The following TRAPPC9 variants were observed in gnomAD, a reference collection of about 807,000 sequenced individuals.
The protein encoded by TRAPPC9 is trafficking protein particle complex subunit 9.
A neutral mutation model predicts 124.0 loss-of-function variants in TRAPPC9; 83 were observed. The observed-to-expected ratio is 0.67, with a 90% confidence interval of 0.56 to 0.80. The LOEUF (loss-of-function observed/expected upper bound fraction) is 0.80, where lower values mean the gene tolerates loss of function less well. Ranked by LOEUF, TRAPPC9 falls within the 30% of genes least tolerant of loss-of-function variation. TRAPPC9 has a pLI of 0.00. For missense variants in TRAPPC9, 1,302 were observed against 1,508.3 expected, an observed-to-expected ratio of 0.86 and a Z score of 2.27; for synonymous variants, 638 against 617.5, an observed-to-expected ratio of 1.03 and a Z score of -0.49.
At chr8:140,014,909 G>A (rs987168491) in intron 18 of TRAPPC9, among the ~76,000 whole-genome samples, 1 of 152,170 alleles carries the variant, frequency 6.6e-6, no homozygotes, top group African/African-American at 2.4e-5. Flanking sequence ...TGAATAAATA[G>A]GACTGCTCTT....
rs893124698 is a variant in TRAPPC9, at chr8:139,838,374, C to T, written c.3055+47505G>A. 3.3e-5 allele frequency among the ~76,000 whole-genome samples: 5 copies of T among 152,244 alleles called. No individual in the cohort carries two copies. In the South Asian group the frequency reaches 8.3e-4, roughly 25 times the overall value. Reference sequence around the variant, plus strand: ...GCAAGCTCTGGGGGCACAGGAGTCACATCTGTCATGCTTACCATCAGAACC... The same window carrying T: ...GCAAGCTCTGGGGGCACAGGAGTCATATCTGTCATGCTTACCATCAGAACC... On this transcript the variant is annotated intron_variant, in intron 21 of 22. Coordinates refer to ENST00000438773, the MANE Select transcript of TRAPPC9 (RefSeq NM_001160372.4).
At chr8:140,295,273 C>A (rs893579157) in intron 11 of TRAPPC9, among the ~76,000 whole-genome samples, 16 of 152,220 alleles carry the variant, frequency 1.1e-4, no homozygotes, top group African/African-American at 3.9e-4. Flanking sequence ...CTGCCAGGGA[C>A]TTTAGAAACA....
intron 17 of TRAPPC9, among the ~76,000 whole-genome samples, chr8:140,049,585 G>A (rs6994314): frequency 0.023 from 3,460 of 151,318 alleles, 113 homozygotes; most frequent in African/African-American, 0.078. Context: ...CTGGCAACCA[G>A]GGAAGTGAAT....
chr8:140,176,964 A>T (rs1043901137), intron 17 of TRAPPC9, among the ~76,000 whole-genome samples: 1 of 151,850 alleles, frequency 6.6e-6, no homozygotes, highest in African/African-American at 2.4e-5. Flanking sequence ...TGAATTAGCT[A>T]TTCAAATCAT....
intron 17 of TRAPPC9, among the ~76,000 whole-genome samples, chr8:140,149,620 T>C (rs534727513): frequency 3.8e-4 from 54 of 141,066 alleles, no homozygotes; most frequent in African/African-American, 1.4e-3. Context: ...CAAGACTCCA[T>C]CTCAAAAAAA....
intron 17 of TRAPPC9, among the ~76,000 whole-genome samples, chr8:140,189,762 TC>T (rs930116652): frequency 1.3e-5 from 2 of 152,120 alleles, no homozygotes; most frequent in Non-Finnish European, 2.9e-5. Context: ...AAAAACAATC[TC>T]CCAAATCTTT....
chr8:139,928,466 T>G (rs547088141), intron 19 of TRAPPC9, among the ~76,000 whole-genome samples: 3 of 151,592 alleles, frequency 2.0e-5, no homozygotes, highest in African/African-American at 7.3e-5. Context: ...CACTCCAGCC[T>G]GGGTGACAAA....
chr8:140,047,406 G>A lies in TRAPPC9; in HGVS notation c.2557-23327C>T, dbSNP rs569774566. ...GAAGGGTATGGAAGTCGTTCTCTGCGGAGGCCCCGCTGGCACCGGAGAGCC... is the reference window on the plus strand; with the variant it reads ...GAAGGGTATGGAAGTCGTTCTCTGCAGAGGCCCCGCTGGCACCGGAGAGCC... On this transcript the variant is annotated intron_variant, in intron 17 of 22. Coordinates refer to ENST00000438773, the MANE Select transcript of TRAPPC9 (RefSeq NM_001160372.4). 2.1e-3 allele frequency among the ~76,000 whole-genome samples: 322 copies of A among 152,368 alleles called. 2 individuals carry two copies. Among genetic ancestry groups the A allele is most frequent in the Non-Finnish European group, 4.0e-3 (272 of 68,028 alleles).
chr8:139,942,132 G>C (rs541767088), intron 19 of TRAPPC9, among the ~76,000 whole-genome samples: 1 of 152,212 alleles, frequency 6.6e-6, no homozygotes, highest in Non-Finnish European at 1.5e-5. Context: ...TGACGGATAT[G>C]AGAACACTTT....
At chr8:139,996,158 CA>C in intron 18 of TRAPPC9, among the ~76,000 whole-genome samples, 573 of 19,438 alleles carry the variant, frequency 0.029, 8 homozygotes, top group African/African-American at 0.11. Context: ...AAAACTTAAG[CA>C]AAAAAAAAAA....
At chr8:140,268,807 AC>A (rs755885960) in intron 15 of TRAPPC9, among the ~76,000 whole-genome samples, 1 of 152,226 alleles carries the variant, frequency 6.6e-6, no homozygotes, top group African/African-American at 2.4e-5. Flanking sequence ...ATGACGGGTG[AC>A]TACACTTGAG....
chr8:140,252,701 C>T lies in TRAPPC9; in HGVS notation c.2431+76G>A, dbSNP rs1217643567. 1.9e-6 allele frequency: 3 copies of T among 1,549,076 alleles called. No homozygotes were observed. Among genetic ancestry groups the T allele is most frequent in the Non-Finnish European group, 2.7e-6 (3 of 1,131,880 alleles). The stretch of plus-strand genomic sequence containing the variant: ...CAAGTGAGTTACAAACAGCAAACAG[C>T]AGGCATCAAGGGATGGGGGTTGCTA... On this transcript the variant is annotated intron_variant, in intron 16 of 22. Transcript: ENST00000438773. The surrounding 1 kb of genome is among the most constrained non-coding windows in gnomAD (Gnocchi z 4.2).
chr8:140,271,250 G>A (rs1245077213), intron 15 of TRAPPC9, among the ~76,000 whole-genome samples: 2 of 152,184 alleles, frequency 1.3e-5, no homozygotes, highest in Admixed American at 6.5e-5. Flanking sequence ...CAAAAGGAGG[G>A]TGGGTAGGAA....
At chr8:139,781,411 C>T (rs1821805187) in intron 21 of TRAPPC9, among the ~76,000 whole-genome samples, 1 of 152,180 alleles carries the variant, frequency 6.6e-6, no homozygotes, top group African/African-American at 2.4e-5. Context: ...AAAAGCTACA[C>T]ACTGTATAAT....
rs139680291 is a variant in TRAPPC9, at chr8:139,776,440, C to T, written c.3056-44238G>A. 7.2e-4 allele frequency among the ~76,000 whole-genome samples: 110 copies of T among 152,358 alleles called. No individual in the cohort carries two copies. The highest frequency in any genetic ancestry group is 1.3e-3 in the Non-Finnish European group (91 of 68,034). ...ATGGGGTGGCACCAGGGTGAAGACACATGCTCATCACCCAGGGGTTAGCGT... is the reference window on the plus strand; with the variant it reads ...ATGGGGTGGCACCAGGGTGAAGACATATGCTCATCACCCAGGGGTTAGCGT... On this transcript the variant is annotated intron_variant, in intron 21 of 22. Coordinates refer to ENST00000438773, the MANE Select transcript of TRAPPC9 (RefSeq NM_001160372.4). The surrounding 1 kb of genome is among the most constrained non-coding windows in gnomAD (Gnocchi z 4.1).
chr8:140,261,103 T>C (rs1004297271), intron 15 of TRAPPC9, among the ~76,000 whole-genome samples: 7 of 152,166 alleles, frequency 4.6e-5, no homozygotes, highest in African/African-American at 1.7e-4. Flanking sequence ...TTAGAGGTGA[T>C]GTGGAGACAG....
chr8:140,261,334 T>G (rs73714834), intron 15 of TRAPPC9, among the ~76,000 whole-genome samples: 1 of 152,156 alleles, frequency 6.6e-6, no homozygotes, highest in African/African-American at 2.4e-5. Flanking sequence ...ATAAAGAAGA[T>G]GTAGCCCCTG....
chr8:140,074,895 G>A (rs1262929183), intron 17 of TRAPPC9, among the ~76,000 whole-genome samples: 1 of 152,136 alleles, frequency 6.6e-6, no homozygotes, highest in Non-Finnish European at 1.5e-5. Context: ...GATCGCCAGT[G>A]GTATGACCTG....
intron 17 of TRAPPC9, among the ~76,000 whole-genome samples, chr8:140,083,192 CAA>C (rs35485579): frequency 4.7e-4 from 70 of 149,578 alleles, no homozygotes; most frequent in Middle Eastern, 3.4e-3. Context: ...GACTCCATCT[CAA>C]AAAAAAAAAT....
Sources: allele counts gnomAD v4.1 joint callset (sites outside exome capture counted in the v4.1 genomes callset), GRCh38; gene constraint gnomAD v4.1.1; non-coding constraint Gnocchi (gnomAD v3.1); transcripts MANE v1.5; gene names NCBI Gene and HGNC (gene_info 2026-07-23, HGNC 2026-07-21).